The following PDE1A variants were observed in gnomAD, a reference collection of about 807,000 sequenced individuals.
The protein encoded by PDE1A is dual specificity calcium/calmodulin-dependent 3',5'-cyclic nucleotide phosphodiesterase 1A.
PDE1A carries 35 observed loss-of-function variants against 61.7 expected under a neutral mutation model. The observed-to-expected ratio is 0.57, with a 90% CI of 0.43 to 0.75. The LOEUF is 0.75. Ranked by LOEUF, PDE1A falls within the 30% of genes least tolerant of loss-of-function variation. The pLI, the probability that PDE1A is intolerant of heterozygous loss-of-function variation, is 0.00. For missense variants in PDE1A, 597 were observed against 630.6 expected, an observed-to-expected ratio of 0.95 and a Z score of 0.57; for synonymous variants, 232 against 213.2, an observed-to-expected ratio of 1.09 and a Z score of -0.77.
rs1694604615 is a variant in PDE1A at position 182,292,525 on chromosome 2, C to A, written c.54-28111G>T. On this transcript the variant is annotated intron_variant, in intron 1 of 13. Coordinates refer to ENST00000351439, the Ensembl canonical transcript of PDE1A. ...ATTTCTTTTTAAAATATGTATTCCA[C>A]AATAGTGAGACTATTCAATATTCAA... Among the ~76,000 whole-genome samples, 3 of 151,982 alleles carry A rather than the reference C, an allele frequency of 2.0e-5. No individual in the cohort carries two copies. The South Asian group carries it at 6.2e-4, about 31-fold the overall frequency.
At chr2:182,148,825 T>C (rs561731816) in intron 13 of PDE1A, among the ~76,000 whole-genome samples, 2 of 152,284 alleles carry the variant, frequency 1.3e-5, no homozygotes, top group South Asian at 4.1e-4. Flanking sequence ...TTGGTGAAGT[T>C]CTCCTCCCTT....
intron 8 of PDE1A, 119 bp from the exon 9 acceptor site, chr2:182,201,908 A>G (rs943834974): frequency 1.7e-5 from 11 of 644,584 alleles, no homozygotes; most frequent in Non-Finnish European, 3.0e-5. Flanking sequence ...AACACAAAAG[A>G]TGCTACTTTT....
At chr2:182,152,308 T>G (rs1376164325) in intron 13 of PDE1A, among the ~76,000 whole-genome samples, 3 of 152,098 alleles carry the variant, frequency 2.0e-5, no homozygotes, top group Non-Finnish European at 4.4e-5. Context: ...GATATTCTGA[T>G]TTTAATTGGT....
the PDE1A span, among the ~76,000 whole-genome samples, chr2:182,622,494 T>C: frequency 1.3e-5 from 2 of 152,184 alleles, no homozygotes; most frequent in Non-Finnish European, 2.9e-5. Flanking sequence ...GCAAGCCAAG[T>C]AGTCTTTTGT....
intron 2 of PDE1A, among the ~76,000 whole-genome samples, chr2:182,498,161 G>A (rs1402748698): frequency 6.6e-6 from 1 of 151,140 alleles, no homozygotes; most frequent in African/African-American, 2.4e-5. Context: ...TGCAATGCGA[G>A]AAGGCAGCCA....
chr2:182,593,346 T>C, the PDE1A span, among the ~76,000 whole-genome samples: 1 of 152,158 alleles, frequency 6.6e-6, no homozygotes, highest in African/African-American at 2.4e-5. Flanking sequence ...CTTTCATTAC[T>C]AAAGAATCAG....
chr2:182,426,466 C>A lies in PDE1A; in HGVS notation c.53+112G>T, dbSNP rs1292888526. 4.1e-6 allele frequency: 3 copies of A among 736,082 alleles called. No individual in the cohort carries two copies. In the African/African-American group the frequency reaches 5.3e-5, roughly 13 times the overall value. 45.6% of individuals were successfully genotyped at this position (736,082 alleles called of 1,614,324 possible). A position where few individuals can be genotyped will look rare whatever the true frequency, so the allele number is the denominator to read the frequency against. Reference sequence around the variant, plus strand: ...AGTATGCCTGAAGTTAAACTTTAAGCACTCTTGATTGCTCTGCTGTAGCTT... The same window carrying A: ...AGTATGCCTGAAGTTAAACTTTAAGAACTCTTGATTGCTCTGCTGTAGCTT... On this transcript the variant is annotated intron_variant, in intron 1 of 13. Coordinates refer to ENST00000351439, the Ensembl canonical transcript of PDE1A.
the PDE1A span, among the ~76,000 whole-genome samples, chr2:182,692,028 G>A: frequency 3.5e-4 from 54 of 152,204 alleles, 1 homozygote; most frequent in South Asian, 6.8e-3. Context: ...GAAACAACAG[G>A]TGCTGGAGAG....
the PDE1A span, among the ~76,000 whole-genome samples, chr2:182,532,430 G>A: frequency 6.6e-6 from 1 of 152,084 alleles, no homozygotes; most frequent in Non-Finnish European, 1.5e-5. Flanking sequence ...CCAGACACAA[G>A]AGATCACATA....
chr2:182,585,676 T>G, the PDE1A span, among the ~76,000 whole-genome samples: 96,832 of 152,060 alleles, frequency 0.64, 34,155 homozygotes, highest in East Asian at 0.95. Flanking sequence ...GCAATATCTG[T>G]GCTGATTATT....
At chr2:182,358,102 G>A (rs1195928444) in intron 1 of PDE1A, among the ~76,000 whole-genome samples, 1 of 152,138 alleles carries the variant, frequency 6.6e-6, no homozygotes, top group Admixed American at 6.6e-5. Context: ...GGGTGGACAT[G>A]ATTGCACCCT....
At chr2:182,313,405 C>T (rs1180993795) in intron 1 of PDE1A, among the ~76,000 whole-genome samples, 3 of 152,002 alleles carry the variant, frequency 2.0e-5, no homozygotes, top group Non-Finnish European at 4.4e-5. Flanking sequence ...CAGAGAAAGA[C>T]TCCGTCTCAA....
upstream of PDE1A, among the ~76,000 whole-genome samples, chr2:182,431,121 TAA>T (rs538631665): frequency 0.14 from 17,057 of 121,424 alleles, 2,091 homozygotes; most frequent in African/African-American, 0.36. Flanking sequence ...AAAAAAACAT[TAA>T]AAAAAAAAAA....
intron 2 of PDE1A, among the ~76,000 whole-genome samples, chr2:182,519,166 A>G (rs1414553027): frequency 6.6e-6 from 1 of 152,128 alleles, no homozygotes; most frequent in Non-Finnish European, 1.5e-5. Flanking sequence ...GAAGAAGTCT[A>G]GGTCCCAAAT....
At chr2:182,169,473 A>G (rs1019577527) in intron 13 of PDE1A, among the ~76,000 whole-genome samples, 4 of 152,090 alleles carry the variant, frequency 2.6e-5, no homozygotes, top group Admixed American at 6.6e-5. Context: ...GATCACAACA[A>G]TGAGATATGA....
At chr2:182,379,525 T>C (rs1700606532) in intron 1 of PDE1A, among the ~76,000 whole-genome samples, 1 of 152,218 alleles carries the variant, frequency 6.6e-6, no homozygotes, top group South Asian at 2.1e-4. Context: ...ACAAGTTCCA[T>C]CTGGCTGAAC....
the PDE1A span, among the ~76,000 whole-genome samples, chr2:182,625,322 G>T: frequency 1.1e-4 from 16 of 152,226 alleles, no homozygotes; most frequent in Non-Finnish European, 2.4e-4. Context: ...ATGACAGTGA[G>T]GTGAGATGGT....
chr2:182,265,452 C>G (rs887223224), intron 1 of PDE1A, among the ~76,000 whole-genome samples: 5 of 152,002 alleles, frequency 3.3e-5, no homozygotes, highest in Middle Eastern at 3.2e-3. Context: ...AGTGTATTTA[C>G]TGCACTCATT....
chr2:182,507,835 G>A (rs926002583), intron 2 of PDE1A, among the ~76,000 whole-genome samples: 1 of 151,882 alleles, frequency 6.6e-6, no homozygotes, highest in African/African-American at 2.4e-5. Context: ...AATTTTTCAA[G>A]TTCTAAAAGT....
Sources: gnomAD v4.1 joint callset for allele counts (sites outside exome capture counted in the v4.1 genomes callset) on GRCh38, gnomAD v4.1.1 for gene constraint, MANE v1.5 for transcripts, NCBI Gene and HGNC (gene_info 2026-07-23, HGNC 2026-07-21) for gene names.